PTPRS: variants seen among roughly 807,000 people sequenced by gnomAD.
PTPRS encodes protein tyrosine phosphatase receptor type S.
A neutral mutation model predicts 215.3 loss-of-function variants in PTPRS; 63 were observed. The observed-to-expected ratio is 0.29, with a 90% CI of 0.24 to 0.36. The LOEUF is 0.36. Ranked by LOEUF, PTPRS falls within the 10% of genes least tolerant of loss-of-function variation. The probability of loss-of-function intolerance (pLI) is 1.00; values close to 1 mark genes in which losing one functional copy is unlikely to be tolerated. For missense variants in PTPRS, 2,258 were observed against 2,825.8 expected (o/e 0.80, Z 4.56); for synonymous variants, 1,404 against 1,191.4 (o/e 1.18, Z -3.68).
intron 1 of PTPRS, among the ~76,000 whole-genome samples, chr19:5,310,064 C>T (rs1168304727): frequency 6.6e-6 from 1 of 152,218 alleles, no homozygotes. Context: ...CCCCTCCTCC[C>T]CCTCCTCACT....
chr19:5,215,818 G>A (rs1428628256), intron 26 of PTPRS, among the ~76,000 whole-genome samples: 1 of 152,126 alleles, frequency 6.6e-6, no homozygotes, highest in Admixed American at 6.5e-5. Context: ...GAGGCCCTCT[G>A]CTCCGTGCAG....
Position 5,229,536 on chromosome 19 carries a change from G to T in PTPRS, c.2304C>A (p.Ala768=). The T allele has an allele frequency of 6.8e-7, 1 of 1,465,550 alleles. No homozygotes were observed. Among genetic ancestry groups the T allele is most frequent in the African/African-American group, 1.5e-5 (1 of 67,598 alleles). The allele number at this position is 1,465,550 out of a possible 1,614,324, so 90.8% of individuals were successfully genotyped here. The change falls in exon 15 of 38, where the codon GCC becomes GCA. Residue 768 remains alanine, a synonymous_variant. Transcript: ENST00000262963. ...CGTCCTTGATGCGCGGCGGCCCGCG[G>T]GCCTCGGCGCCCTCCATGCGCACGT... The part of the protein sequence containing the change: ...VHYVRMEGAE[A]RGPPRIKDVM...
At chr19:5,309,230 G>A (rs367735298) in intron 1 of PTPRS, among the ~76,000 whole-genome samples, 2 of 152,194 alleles carry the variant, frequency 1.3e-5, no homozygotes, top group East Asian at 1.9e-4. Context: ...GCCACGTGCT[G>A]TGTGGCCTTG....
At chr19:5,217,140 G>C (rs774833815) in intron 25 of PTPRS, among the ~76,000 whole-genome samples, 4 of 152,226 alleles carry the variant, frequency 2.6e-5, no homozygotes, top group Non-Finnish European at 5.9e-5. Flanking sequence ...GGGGGAGCAG[G>C]GAAAGGACAT....
At chr19:5,233,277 AAAT>A (rs1263817595) in intron 13 of PTPRS, among the ~76,000 whole-genome samples, 1 of 151,538 alleles carries the variant, frequency 6.6e-6, no homozygotes, top group East Asian at 1.9e-4. Context: ...GCACTTCACG[AAAT>A]AATAGTAAAA....
Position 5,213,838 on chromosome 19 carries a change from G to A in PTPRS, c.4614+523C>T, listed in dbSNP as rs187556794. On this transcript the variant is annotated intron_variant, in intron 30 of 37. Coordinates refer to ENST00000262963, the MANE Select transcript of PTPRS (RefSeq NM_002850.4). Reference sequence around the variant, plus strand: ...TGACAATAACAAATGTCTCCTGGATGGCAGAATTGTCCTAATTCAGAACCA... The same window carrying A: ...TGACAATAACAAATGTCTCCTGGATAGCAGAATTGTCCTAATTCAGAACCA... Among the ~76,000 whole-genome samples the A allele has an allele frequency of 5.0e-4, 76 of 152,316 alleles. No homozygotes were observed. In the South Asian group the frequency reaches 5.6e-3, roughly 11 times the overall value.
In PTPRS at chr19:5,215,417, A is replaced by G. The variant is rs1568379839; in HGVS notation, c.4195-5T>C. On this transcript the variant is annotated splice_region_variant and splice_polypyrimidine_tract_variant and intron_variant, in intron 27 of 37. Coordinates refer to ENST00000262963, the MANE Select transcript of PTPRS (RefSeq NM_002850.4). ...CTGCTGTCCAGGGTCGATGGACTAC[A>G]GAGGAAGGGGAGAGCGCGGGTGTCA... 6.2e-6 allele frequency: 10 copies of G among 1,604,550 alleles called. No individual in the cohort carries two copies. Among genetic ancestry groups the G allele is most frequent in the Admixed American group, 1.7e-5 (1 of 59,690 alleles).
intron 1 of PTPRS, among the ~76,000 whole-genome samples, chr19:5,301,749 TC>T (rs1276960359): frequency 6.7e-6 from 1 of 148,964 alleles, no homozygotes; most frequent in Admixed American, 6.7e-5. Flanking sequence ...AATCCTCCCC[TC>T]CTTGCTCATG....
At chr19:5,331,111 G>T (rs2050308902) in intron 1 of PTPRS, among the ~76,000 whole-genome samples, 1 of 130,880 alleles carries the variant, frequency 7.6e-6, no homozygotes, top group African/African-American at 3.2e-5. Flanking sequence ...TTCAGCATAA[G>T]TCAGGGCTTC....
In PTPRS at chr19:5,213,784, G is replaced by A. The variant is rs150965140; in HGVS notation, c.4614+577C>T. ...TGGCTGGGTGTTGGGGATACATCAC[G>A]GTGCCAGTAGCACCTCCCCTCCCCA... is the stretch of plus-strand genomic sequence containing the variant. On this transcript the variant is annotated intron_variant, in intron 30 of 37. Coordinates refer to ENST00000262963, the MANE Select transcript of PTPRS (RefSeq NM_002850.4). Among the ~76,000 whole-genome samples the A allele has an allele frequency of 1.7e-3, 265 of 152,230 alleles. 2 individuals carry two copies. The Middle Eastern group carries it at 0.034, about 20-fold the overall frequency.
intron 1 of PTPRS, among the ~76,000 whole-genome samples, chr19:5,290,873 C>G (rs758512): frequency 0.15 from 23,283 of 151,766 alleles, 2,039 homozygotes; most frequent in Middle Eastern, 0.22. Context: ...ACCCTGGCCT[C>G]CAGCCTCCCT....
intron 2 of PTPRS, among the ~76,000 whole-genome samples, chr19:5,274,843 C>A (rs1439813423): frequency 1.3e-5 from 2 of 152,122 alleles, no homozygotes; most frequent in Non-Finnish European, 2.9e-5. Flanking sequence ...AACTGAGGCA[C>A]CCAGCATGGG....
At chr19:5,285,527 G>GC (rs1339028629) in intron 2 of PTPRS, among the ~76,000 whole-genome samples, 1 of 152,200 alleles carries the variant, frequency 6.6e-6, no homozygotes, top group Non-Finnish European at 1.5e-5. Flanking sequence ...CAGTCCCAAT[G>GC]CCCTTTTTCC....
rs1041757401 is a variant in PTPRS at position 5,328,534 on chromosome 19, G to A, written c.-95+12130C>T. On this transcript the variant is annotated intron_variant, in intron 1 of 37. Transcript: ENST00000262963. ...ATTATAGGCGTGAACCACCGCGCCCGGCCCTTACCACTTCTTGCCAGACAC... is the reference window on the plus strand; with the variant it reads ...ATTATAGGCGTGAACCACCGCGCCCAGCCCTTACCACTTCTTGCCAGACAC... Among the ~76,000 whole-genome samples the A allele has an allele frequency of 3.3e-5, 5 of 151,708 alleles. 1 individual carries two copies. The highest frequency in any genetic ancestry group is 2.0e-4 in the East Asian group (1 of 5,106).
At chr19:5,285,860 T>C (rs1038578726) in intron 2 of PTPRS, among the ~76,000 whole-genome samples, 190 bp downstream of exon 2, 6 of 152,210 alleles carry the variant, frequency 3.9e-5, no homozygotes, top group African/African-American at 1.4e-4. Flanking sequence ...TTATTATTTA[T>C]CTCTGAATCT....
At chr19:5,229,199 G>T in intron 16 of PTPRS, 117 bp downstream of exon 16, 1 of 1,143,920 alleles carries the variant, frequency 8.7e-7, no homozygotes. Context: ...GCGCATGGGA[G>T]GGCCCAGAGG....
rs2042852082 is a variant in PTPRS, at chr19:5,229,697, A to AGGGGAGGGGAGGGGCGGGC, written c.2156-32_2156-14dup. 3.2e-6 allele frequency: 1 copy of AGGGGAGGGGAGGGGCGGGC among 314,556 alleles called. No individual in the cohort carries two copies. Among genetic ancestry groups the AGGGGAGGGGAGGGGCGGGC allele is most frequent in the Admixed American group, 6.5e-5 (1 of 15,360 alleles). The allele number at this position is 314,556 out of a possible 1,614,324, so 19.5% of individuals were successfully genotyped here. On this transcript the variant is annotated splice_polypyrimidine_tract_variant and intron_variant, in intron 14 of 37. Transcript: ENST00000262963. ...GGCGCGCTGGGCACTGGCGGGCGGG[A>AGGGGAGGGGAGGGGCGGGC]GGGGAGGGGAGGGGCGGGCGGAGCC...
Position 5,214,534 on chromosome 19 carries a change from T to C in PTPRS, c.4494+27A>G, listed in dbSNP as rs766104963. The C allele has an allele frequency of 3.7e-6, 6 of 1,612,284 alleles. No homozygotes were observed. The Admixed American group carries it at 8.3e-5, about 22-fold the overall frequency. On this transcript the variant is annotated intron_variant, in intron 29 of 37. Transcript: ENST00000262963. The stretch of plus-strand genomic sequence containing the variant: ...CAGGGACAGGCTGACTGGCAGGGGC[T>C]TGAGGGCCGTGGGGTCCAAGGCTCA...
At chr19:5,326,269 G>C (rs769036811) in intron 1 of PTPRS, among the ~76,000 whole-genome samples, 7 of 151,940 alleles carry the variant, frequency 4.6e-5, no homozygotes, top group Non-Finnish European at 7.4e-5. Flanking sequence ...CCAGCAAGGG[G>C]GTCATTCTGT....
Sources: allele counts gnomAD v4.1 joint callset (sites outside exome capture counted in the v4.1 genomes callset), GRCh38; gene constraint gnomAD v4.1.1; transcripts MANE v1.5; gene names NCBI Gene and HGNC (gene_info 2026-07-23, HGNC 2026-07-21).